The following ETV6 variants were observed in gnomAD, a reference collection of about 807,000 sequenced individuals.
ETV6 encodes the protein ETS variant transcription factor 6.
A neutral mutation model predicts 51.1 loss-of-function variants in ETV6; 16 were observed. That is an observed-to-expected ratio of 0.31 (90% CI 0.21 to 0.48). The LOEUF is 0.48. Among genes scored for constraint, ETV6 ranks in the 20% least tolerant of loss-of-function variants. The probability of loss-of-function intolerance (pLI) is 0.99; values close to 1 mark genes in which losing one functional copy is unlikely to be tolerated. For synonymous variants in ETV6, 240 were observed against 224.1 expected, an observed-to-expected ratio of 1.07 and a Z score of -0.64; for missense variants, 458 against 594.8, an observed-to-expected ratio of 0.77 and a Z score of 2.39.
intron 1 of ETV6, among the ~76,000 whole-genome samples, chr12:11,729,383 G>A (rs1865551400): frequency 6.6e-6 from 1 of 152,138 alleles, no homozygotes; most frequent in Admixed American, 6.5e-5. Context: ...TTTTTTGGAA[G>A]CCCCTTAGAA....
intron 1 of ETV6, among the ~76,000 whole-genome samples, chr12:11,699,863 G>A (rs1864946291): frequency 6.6e-6 from 1 of 152,138 alleles, no homozygotes; most frequent in African/African-American, 2.4e-5. Context: ...AATGGGCCAA[G>A]GTCATGCATT....
intron 7 of ETV6, among the ~76,000 whole-genome samples, chr12:11,888,401 T>C: frequency 7.0e-6 from 1 of 142,760 alleles, no homozygotes; most frequent in East Asian, 2.0e-4. Flanking sequence ...TTCTTTTCTT[T>C]TTTTTTTTTT....
chr12:11,876,499 G>C (rs566983928), intron 5 of ETV6, among the ~76,000 whole-genome samples: 1 of 152,196 alleles, frequency 6.6e-6, no homozygotes, highest in East Asian at 1.9e-4. Context: ...TTCTCTTAAA[G>C]TACTTTAATT....
chr12:11,672,621 AAAGAGATTTT>A (rs1484580586), intron 1 of ETV6, among the ~76,000 whole-genome samples: 3 of 152,208 alleles, frequency 2.0e-5, no homozygotes, highest in Non-Finnish European at 4.4e-5. Flanking sequence ...TGCAGAGCTA[AAAGAGATTTT>A]AAGAGATAAT....
At chr12:11,650,344 T>TCCCCCCCC (rs145552837) in intron 1 of ETV6, among the ~76,000 whole-genome samples, 184 bp downstream of exon 1, 5 of 127,498 alleles carry the variant, frequency 3.9e-5, no homozygotes, top group Non-Finnish European at 8.2e-5. Context: ...ACCTTGCTAC[T>TCCCCCCCC]CCCCCCCACC....
intron 2 of ETV6, among the ~76,000 whole-genome samples, chr12:11,822,853 G>A (rs533690436): frequency 2.0e-5 from 3 of 152,298 alleles, no homozygotes; most frequent in South Asian, 2.1e-4. Flanking sequence ...TGGAGGAATG[G>A]GAAAGATTTA....
chr12:11,857,661 A>G (rs1039855036), intron 4 of ETV6, among the ~76,000 whole-genome samples: 6 of 152,230 alleles, frequency 3.9e-5, no homozygotes, highest in African/African-American at 1.2e-4. Flanking sequence ...AACCAGAACC[A>G]GAACCATCCT....
intron 1 of ETV6, among the ~76,000 whole-genome samples, chr12:11,699,113 G>A (rs1481925533): frequency 6.6e-6 from 1 of 152,178 alleles, no homozygotes; most frequent in African/African-American, 2.4e-5. Context: ...AGGGATAATT[G>A]TAATAGGTTG....
rs1426209574 is a variant in ETV6, at chr12:11,650,500, AAAC to A, written c.33+343_33+345del. Among the ~76,000 whole-genome samples the A allele has an allele frequency of 1.1e-3, 86 of 80,418 alleles. 8 individuals are homozygous for A. Among genetic ancestry groups the A allele is most frequent in the African/African-American group, 2.4e-3 (55 of 22,474 alleles). 52.8% of individuals were successfully genotyped at this position (80,418 alleles called of 152,430 possible). ...TGCGCTTAAAAAAAAAAAAAACAAA[AAAC>A]AAAAAAAAAAAACCTGCTCCCTATT... On this transcript the variant is annotated intron_variant, in intron 1 of 7. Transcript: ENST00000396373.
intron 1 of ETV6, among the ~76,000 whole-genome samples, chr12:11,650,481 TAAAAAA>T (rs367594605): frequency 1.4e-4 from 6 of 43,318 alleles, no homozygotes; most frequent in African/African-American, 5.1e-4. Context: ...TTAGTGCGCT[TAAAAAA>T]AAAAAAAACA....
intron 2 of ETV6, among the ~76,000 whole-genome samples, chr12:11,838,116 G>T (rs1026786785): frequency 6.6e-6 from 1 of 152,156 alleles, no homozygotes; most frequent in African/African-American, 2.4e-5. Context: ...ATGGCTGGAC[G>T]CTCATCTCTG....
At chr12:11,807,360 T>C (rs1163699588) in intron 2 of ETV6, among the ~76,000 whole-genome samples, 1 of 152,126 alleles carries the variant, frequency 6.6e-6, no homozygotes, top group Non-Finnish European at 1.5e-5. Context: ...TGTGTACTGG[T>C]AGAGAAAATT....
intron 1 of ETV6, among the ~76,000 whole-genome samples, chr12:11,669,265 T>C (rs918469717): frequency 1.3e-5 from 2 of 152,080 alleles, no homozygotes; most frequent in African/African-American, 4.8e-5. Context: ...GACTTCGAAG[T>C]CTGATCCAAA....
chr12:11,829,061 C>T (rs2136449416), intron 2 of ETV6, among the ~76,000 whole-genome samples: 1 of 152,234 alleles, frequency 6.6e-6, no homozygotes, highest in Middle Eastern at 3.4e-3. Context: ...CCACCTGAGC[C>T]ATTTTCCCAG....
In ETV6 at chr12:11,664,767, A is replaced by G. The variant is rs4140965; in HGVS notation, c.33+14607A>G. Among the ~76,000 whole-genome samples the G allele has an allele frequency of 5.8e-3, 878 of 152,132 alleles. 22 individuals are homozygous for G. In the East Asian group the frequency reaches 0.067, roughly 12 times the overall value. ...GTGCATACTCGTCTTTCTCCTCCATACCGGCTGTCACTGCCTTCCTTCTGG... is the reference window on the plus strand; with the variant it reads ...GTGCATACTCGTCTTTCTCCTCCATGCCGGCTGTCACTGCCTTCCTTCTGG... On this transcript the variant is annotated intron_variant, in intron 1 of 7. Transcript: ENST00000396373.
chr12:11,883,902 C>T (rs1459980898), intron 5 of ETV6, among the ~76,000 whole-genome samples: 1 of 152,124 alleles, frequency 6.6e-6, no homozygotes, highest in Non-Finnish European at 1.5e-5. Context: ...TTTCTTTTCC[C>T]ACCATTTTTC....
intron 4 of ETV6, among the ~76,000 whole-genome samples, chr12:11,856,658 C>G (rs1946636625): frequency 6.6e-6 from 1 of 152,086 alleles, no homozygotes; most frequent in Non-Finnish European, 1.5e-5. Flanking sequence ...AGTTTCCTGC[C>G]TCCAGCTACT....
chr12:11,657,014 AC>A (rs1361128833), intron 1 of ETV6, among the ~76,000 whole-genome samples: 1 of 151,588 alleles, frequency 6.6e-6, no homozygotes, highest in Non-Finnish European at 1.5e-5. Context: ...GCTTGACCCA[AC>A]TCGCCTGTTC....
At chr12:11,782,426 C>T (rs1945426624) in intron 2 of ETV6, among the ~76,000 whole-genome samples, 3 of 151,978 alleles carry the variant, frequency 2.0e-5, no homozygotes, top group African/African-American at 4.8e-5. Flanking sequence ...ACAGCTGAAA[C>T]GTTATCTGAA....
Sources: allele counts gnomAD v4.1 joint callset (sites outside exome capture counted in the v4.1 genomes callset), GRCh38; gene constraint gnomAD v4.1.1; transcripts MANE v1.5; gene names NCBI Gene and HGNC (gene_info 2026-07-23, HGNC 2026-07-21).